SLC22A24: variants seen among roughly 807,000 people sequenced by gnomAD.
The protein encoded by SLC22A24 is steroid transmembrane transporter SLC22A24.
SLC22A24 carries 53 observed loss-of-function variants against 49.8 expected under a neutral mutation model. The observed-to-expected ratio is 1.06, with a 90% CI of 0.85 to 1.34. SLC22A24 has a LOEUF of 1.34. Among genes scored for constraint, SLC22A24 ranks in the 40% most tolerant of loss-of-function variants. SLC22A24 has a pLI of 0.00. For missense variants in SLC22A24, 786 were observed against 675.9 expected (o/e 1.16, Z -1.81); for synonymous variants, 302 against 256.4 (o/e 1.18, Z -1.70).
chr11:63,092,452 A>G (rs11533258), intron 6 of SLC22A24, among the ~76,000 whole-genome samples: 18,906 of 119,274 alleles, frequency 0.16, 2,532 homozygotes, highest in East Asian at 0.28. Context: ...AGAAAATCCT[A>G]AGGAAAGAGA....
intron 5 of SLC22A24, among the ~76,000 whole-genome samples, chr11:63,100,916 A>T (rs1396250856): frequency 6.6e-6 from 1 of 152,158 alleles, no homozygotes; most frequent in African/African-American, 2.4e-5. Flanking sequence ...AAATGCTTAC[A>T]TCTAAGATTG....
Position 63,081,679 on chromosome 11 carries a change from G to C in SLC22A24, c.1286-13C>G, listed in dbSNP as rs965284022. On this transcript the variant is annotated splice_polypyrimidine_tract_variant and intron_variant, in intron 7 of 9. Coordinates refer to ENST00000612278, the MANE Select transcript of SLC22A24 (RefSeq NM_001136506.2). ...AGGATCTGCATTTCTAGAGAGAACA[G>C]TGAGAATCAGGAAATCTTGCCTGAA... The C allele has an allele frequency of 3.0e-5, 46 of 1,521,294 alleles. No individual in the cohort carries two copies. Among genetic ancestry groups the C allele is most frequent in the Non-Finnish European group, 3.9e-5 (44 of 1,119,548 alleles). 94.2% of individuals were successfully genotyped at this position (1,521,294 alleles called of 1,614,324 possible). A position where few individuals can be genotyped will look rare whatever the true frequency, so the allele number is the denominator to read the frequency against.
intron 2 of SLC22A24, among the ~76,000 whole-genome samples, chr11:63,129,328 G>T (rs187332853): frequency 6.6e-6 from 1 of 152,068 alleles, no homozygotes; most frequent in Non-Finnish European, 1.5e-5. Context: ...CTGTTCCATC[G>T]GTCTATATAT....
At chr11:63,086,936 C>G (rs1382902142) in intron 6 of SLC22A24, among the ~76,000 whole-genome samples, 1 of 151,358 alleles carries the variant, frequency 6.6e-6, no homozygotes, top group East Asian at 1.9e-4. Flanking sequence ...TAACAGGGAA[C>G]TTTATAGTTC....
intron 4 of SLC22A24, among the ~76,000 whole-genome samples, chr11:63,113,029 A>G (rs1482041821): frequency 2.0e-5 from 1 of 50,902 alleles, no homozygotes; most frequent in Non-Finnish European, 3.6e-5. Flanking sequence ...AAAAAAAAAA[A>G]AAAAAAATAT....
At chr11:63,121,533 TAGAA>T (rs1016300536) in intron 2 of SLC22A24, among the ~76,000 whole-genome samples, 1 of 151,914 alleles carries the variant, frequency 6.6e-6, no homozygotes, top group African/African-American at 2.4e-5. Context: ...TGACAAAGGT[TAGAA>T]AGAGATTGGA....
At chr11:63,090,080 C>CAAAAAAAAAAAAAA (rs60285946) in intron 6 of SLC22A24, among the ~76,000 whole-genome samples, 3 of 64,692 alleles carry the variant, frequency 4.6e-5, no homozygotes, top group Non-Finnish European at 7.9e-5. Context: ...GACTCTGTCT[C>CAAAAAAAAAAAAAA]AAAAAAAAAA....
chr11:63,140,942 T>TA (rs1565047013), intron 1 of SLC22A24, among the ~76,000 whole-genome samples: 2 of 152,196 alleles, frequency 1.3e-5, no homozygotes, highest in African/African-American at 4.8e-5. Context: ...GTTAATCTTA[T>TA]AAAAAATTCT....
chr11:63,109,569 GT>G (rs917157392), intron 4 of SLC22A24, among the ~76,000 whole-genome samples: 1 of 148,106 alleles, frequency 6.8e-6, no homozygotes, highest in Non-Finnish European at 1.5e-5. Context: ...TCTCATTGTG[GT>G]TTTGATTTGC....
At chr11:63,136,844 A>T (rs557830214) in intron 1 of SLC22A24, among the ~76,000 whole-genome samples, 255 of 152,000 alleles carry the variant, frequency 1.7e-3, no homozygotes, top group Non-Finnish European at 3.0e-3. Flanking sequence ...TGACTCTGGT[A>T]CTCTCTCTAC....
chr11:63,089,238 C>T (rs932918640), intron 6 of SLC22A24, among the ~76,000 whole-genome samples: 8 of 152,220 alleles, frequency 5.3e-5, no homozygotes, highest in Admixed American at 3.3e-4. Flanking sequence ...AGAAACCCTA[C>T]AAGCCAGAAG....
At chr11:63,094,335 A>G (rs2087039501) in intron 6 of SLC22A24, among the ~76,000 whole-genome samples, 1 of 151,990 alleles carries the variant, frequency 6.6e-6, no homozygotes, top group African/African-American at 2.4e-5. Flanking sequence ...GCTGCATAGT[A>G]TTCTATGGTG....
intron 4 of SLC22A24, among the ~76,000 whole-genome samples, chr11:63,105,944 ATTATAC>A (rs1279550650): frequency 1.3e-5 from 2 of 151,968 alleles, no homozygotes; most frequent in Admixed American, 6.6e-5. Flanking sequence ...TTTTATTATT[ATTATAC>A]TTTAAGTTTT....
At chr11:63,132,432 G>T (rs981632173) in intron 2 of SLC22A24, among the ~76,000 whole-genome samples, 1 of 152,096 alleles carries the variant, frequency 6.6e-6, no homozygotes, top group Non-Finnish European at 1.5e-5. Context: ...TCTACCTTTG[G>T]TCTTTGATGT....
chr11:63,096,243 A>G (rs1349299703), intron 5 of SLC22A24, 137 bp from the exon 6 acceptor site: 2 of 586,180 alleles, frequency 3.4e-6, no homozygotes, highest in African/African-American at 1.9e-5. Flanking sequence ...GAATATGAGC[A>G]TTAAATAATT....
In SLC22A24 at chr11:63,144,053, G is replaced by C. The variant is rs2087435907; in HGVS notation, c.-274C>G. ...AAGAGACTGCTAGCTGTTGACAACT[G>C]AATCTTCTTAAAAGACTACTCTGTG... On this transcript the variant is annotated 5_prime_UTR_variant, in exon 1 of 10. Transcript: ENST00000612278. The C allele has an allele frequency of 3.5e-6, 1 of 283,498 alleles. No homozygotes were observed. Among genetic ancestry groups the C allele is most frequent in the East Asian group, 5.8e-5 (1 of 17,374 alleles). The allele number at this position is 283,498 out of a possible 1,614,324, so 17.6% of individuals were successfully genotyped here.
Position 63,106,152 on chromosome 11 carries a change from A to G in SLC22A24, c.831-1854T>C, listed in dbSNP as rs1293115287. ...TGTGTCCATGTGTTCTCATTGTTCAATTCCCACCTATGAGTGAGAACATGC... is the reference window on the plus strand; with the variant it reads ...TGTGTCCATGTGTTCTCATTGTTCAGTTCCCACCTATGAGTGAGAACATGC... On this transcript the variant is annotated intron_variant, in intron 4 of 9. Transcript: ENST00000612278. Among the ~76,000 whole-genome samples the G allele has an allele frequency of 5.0e-5, 7 of 139,294 alleles. No individual in the cohort carries two copies. In the East Asian group the frequency reaches 8.5e-4, roughly 17 times the overall value. 91.4% of individuals were successfully genotyped at this position (139,294 alleles called of 152,430 possible). A position where few individuals can be genotyped will look rare whatever the true frequency, so the allele number is the denominator to read the frequency against.
At chr11:63,090,950 A>G (rs2087016856) in intron 6 of SLC22A24, among the ~76,000 whole-genome samples, 1 of 152,142 alleles carries the variant, frequency 6.6e-6, no homozygotes, top group African/African-American at 2.4e-5. Flanking sequence ...GAGTTGAAGG[A>G]GATAGAGACA....
At chr11:63,082,636 A>G (rs1182026070) in intron 7 of SLC22A24, among the ~76,000 whole-genome samples, 1 of 152,236 alleles carries the variant, frequency 6.6e-6, no homozygotes, top group Non-Finnish European at 1.5e-5. Context: ...AAACAGATAA[A>G]GAGATATTAA....
Sources: allele counts gnomAD v4.1 joint callset (sites outside exome capture counted in the v4.1 genomes callset), GRCh38; gene constraint gnomAD v4.1.1; transcripts MANE v1.5; gene names NCBI Gene and HGNC (gene_info 2026-07-23, HGNC 2026-07-21).